CD200: variants seen among roughly 807,000 people sequenced by gnomAD.
CD200 encodes CD200 molecule.
Under a neutral mutation model 30.9 loss-of-function variants are expected in CD200, and 15 were observed. The observed-to-expected ratio is 0.49, with a 90% CI of 0.32 to 0.75. The LOEUF (loss-of-function observed/expected upper bound fraction) is 0.75, where lower values mean the gene tolerates loss of function less well. Ranked by LOEUF, CD200 falls within the 30% of genes least tolerant of loss-of-function variation. The pLI, the probability that CD200 is intolerant of heterozygous loss-of-function variation, is 0.03. For missense variants in CD200, 262 were observed against 324.2 expected (o/e 0.81, Z 1.47); for synonymous variants, 134 against 126.2 (o/e 1.06, Z -0.41).
intron 3 of CD200, among the ~76,000 whole-genome samples, chr3:112,346,347 C>G (rs2081393232): frequency 6.7e-6 from 1 of 149,962 alleles, no homozygotes; most frequent in African/African-American, 2.5e-5. Context: ...TTTTTATTCT[C>G]TTCCTCTTTT....
At chr3:112,345,354 G>A (rs895772138) in intron 3 of CD200, 66 bp downstream of exon 3, 12 of 1,301,600 alleles carry the variant, frequency 9.2e-6, no homozygotes, top group African/African-American at 4.4e-5. Context: ...TTGGAATATA[G>A]CCGTAGTGCC....
In CD200 at chr3:112,362,417, A is replaced by G. The variant is rs902490564; in HGVS notation, c.*867A>G. ...GTCATTCTAAATTCAGCCTCATATA[A>G]TGAAAATACATTATGAAAACAGATG... On this transcript the variant is annotated 3_prime_UTR_variant, in exon 6 of 6. Transcript: ENST00000315711. 1.2e-4 allele frequency: 19 copies of G among 152,566 alleles called. No homozygotes were observed. Among genetic ancestry groups the G allele is most frequent in the African/African-American group, 3.6e-4 (15 of 41,462 alleles). 9.5% of individuals were successfully genotyped at this position (152,566 alleles called of 1,614,324 possible).
chr3:112,347,479 C>A, intron 3 of CD200, 79 bp from the exon 4 acceptor site: 1 of 1,361,022 alleles, frequency 7.3e-7, no homozygotes, highest in South Asian at 1.3e-5. Flanking sequence ...AAGCATATTT[C>A]CTTCATCTCT....
At chr3:112,348,274 G>T (rs1357061164) in intron 4 of CD200, among the ~76,000 whole-genome samples, 1 of 152,200 alleles carries the variant, frequency 6.6e-6, no homozygotes, top group African/African-American at 2.4e-5. Context: ...GAGGATTGGA[G>T]GTTGGGAAGG....
At chr3:112,343,491 A>T (rs1314966065) in intron 2 of CD200, among the ~76,000 whole-genome samples, 1 of 151,980 alleles carries the variant, frequency 6.6e-6, no homozygotes, top group East Asian at 1.9e-4. Context: ...TCTTGTAGAG[A>T]TAAGGGTCTC....
intron 1 of CD200, 129 bp downstream of exon 1, chr3:112,333,353 C>G (rs1282636717): frequency 7.0e-7 from 1 of 1,436,756 alleles, no homozygotes; most frequent in Non-Finnish European, 9.1e-7. Flanking sequence ...GGGACTAGAT[C>G]AGCGGTGTTG....
Position 112,349,743 on chromosome 3 carries a change from C to T in CD200, c.726C>T (p.Ser242=). Residue 242 remains serine (S), a synonymous_variant, in exon 5 of 6, where the codon AGC becomes AGT. Coordinates refer to ENST00000315711, the MANE Select transcript of CD200 (RefSeq NM_005944.7). The stretch of plus-strand genomic sequence containing the variant: ...GGTTTTCAGTTCCGCTATTGCTAAG[C>T]ATTGTTTCCCTGGTAATTCTTCTCG... ...GYWFSVPLLL[S]IVSLVILLVL... is the part of the protein sequence containing the mutation. The T allele has an allele frequency of 1.9e-6, 3 of 1,612,244 alleles. No homozygotes were observed. Among genetic ancestry groups the T allele is most frequent in the Non-Finnish European group, 2.5e-6 (3 of 1,178,990 alleles).
At chr3:112,334,006 T>G in intron 1 of CD200, 5 of 985,452 alleles carry the variant, frequency 5.1e-6, no homozygotes, top group Non-Finnish European at 6.0e-6. Context: ...CAAGATAATT[T>G]TTTCATGTAT....
rs1559788654 is a variant in CD200 at position 112,349,819 on chromosome 3, G to GCT, written c.802_802+1insCT (p.Glu268AlafsTer5). On this transcript the variant is annotated frameshift_variant and splice_region_variant. Transcript: ENST00000315711. LOFTEE classifies it high-confidence loss of function. ...GAAACGTCACCGGAATCAGGACCGA[G>GCT]GTGAGTTGTCACAGGGAGTTCAAAA... 1 of 1,605,194 alleles carries GCT rather than the reference G, an allele frequency of 6.2e-7. No homozygotes were observed.
intron 1 of CD200, among the ~76,000 whole-genome samples, chr3:112,340,420 G>A (rs1355087031): frequency 3.3e-5 from 5 of 152,158 alleles, no homozygotes; most frequent in African/African-American, 1.2e-4. Flanking sequence ...TTATATGTAA[G>A]ACTTGCAGAA....
chr3:112,354,359 G>A (rs2081588914), intron 5 of CD200, among the ~76,000 whole-genome samples: 1 of 152,192 alleles, frequency 6.6e-6, no homozygotes, highest in Non-Finnish European at 1.5e-5. Context: ...CAAAAAGGAT[G>A]AGAAAATCTA....
At chr3:112,357,031 G>A (rs935457207) in intron 5 of CD200, among the ~76,000 whole-genome samples, 6 of 152,182 alleles carry the variant, frequency 3.9e-5, no homozygotes, top group Non-Finnish European at 7.3e-5. Flanking sequence ...GGAGGCCGAG[G>A]CGGGCGGATC....
At chr3:112,355,545 T>C (rs901483366) in intron 5 of CD200, among the ~76,000 whole-genome samples, 1 of 152,086 alleles carries the variant, frequency 6.6e-6, no homozygotes, top group Non-Finnish European at 1.5e-5. Context: ...AGTGGGAAAA[T>C]TATATTTATC....
Position 112,333,211 on chromosome 3 carries a change from G to T in CD200, c.-2G>T, listed in dbSNP as rs1043099493. ...ACCTCGCGCGCGCCTCCAGGAGCAA[G>T]GATGGAGAGGCTGGTGAGCGGGGCC... On this transcript the variant is annotated 5_prime_UTR_variant, in exon 1 of 6. The change creates a new upstream start codon in the 5' untranslated region. Coordinates refer to ENST00000315711, the MANE Select transcript of CD200 (RefSeq NM_005944.7). 5.8e-6 allele frequency: 9 copies of T among 1,550,124 alleles called. No homozygotes were observed. Among genetic ancestry groups the T allele is most frequent in the Non-Finnish European group, 7.8e-6 (9 of 1,146,602 alleles).
Position 112,362,800 on chromosome 3 carries a change from T to A in CD200, c.*1250T>A, listed in dbSNP as rs1208615051. ...TAGTAAAATATTGAACAATTAAAAG[T>A]GTTGACTCCAAATATTTGGCTTATG... On this transcript the variant is annotated 3_prime_UTR_variant, in exon 6 of 6. Coordinates refer to ENST00000315711, the MANE Select transcript of CD200 (RefSeq NM_005944.7). The A allele has an allele frequency of 1.3e-5, 2 of 152,478 alleles. No individual in the cohort carries two copies. The highest frequency in any genetic ancestry group is 4.8e-5 in the African/African-American group (2 of 41,400). 9.4% of individuals were successfully genotyped at this position (152,478 alleles called of 1,614,324 possible).
chr3:112,360,339 T>C (rs993056279), intron 5 of CD200, among the ~76,000 whole-genome samples: 1 of 131,516 alleles, frequency 7.6e-6, no homozygotes, highest in East Asian at 2.8e-4. Context: ...AAAAAATATA[T>C]ATATATATGT....
At position 112,340,996 on chromosome 3, in the gene CD200, A is replaced by G. The variant is rs1417299079; in HGVS notation, c.94+13A>G. 6.4e-6 allele frequency: 10 copies of G among 1,571,694 alleles called. No homozygotes were observed. The highest frequency in any genetic ancestry group is 8.8e-6 in the Non-Finnish European group (10 of 1,142,238). On this transcript the variant is annotated intron_variant, in intron 2 of 5. Transcript: ENST00000315711. ...TGCACAGCACAAGGTAAAGAAACTC[A>G]ATTCCCCTGCTTGGAGCCCAGCAAA... is the stretch of plus-strand genomic sequence containing the variant.
At chr3:112,349,942 A>G in intron 5 of CD200, 123 bp downstream of exon 5, 2 of 1,345,480 alleles carry the variant, frequency 1.5e-6, no homozygotes, top group Non-Finnish European at 1.9e-6. Flanking sequence ...TGTTGTTTCC[A>G]AAATACAGAA....
chr3:112,336,200 A>C (rs2081111769), intron 1 of CD200, among the ~76,000 whole-genome samples: 1 of 152,158 alleles, frequency 6.6e-6, no homozygotes, highest in Non-Finnish European at 1.5e-5. Context: ...AGGAAAGAAA[A>C]GGGCATGTAT....
Sources: gnomAD v4.1 joint callset for allele counts (sites outside exome capture counted in the v4.1 genomes callset) on GRCh38, gnomAD v4.1.1 for gene constraint, MANE v1.5 for transcripts, NCBI Gene and HGNC (gene_info 2026-07-23, HGNC 2026-07-21) for gene names.